GOLGA4: variants seen among roughly 807,000 people sequenced by gnomAD.
GOLGA4 encodes golgin A4, also known as golgin subfamily A member 4.
GOLGA4 carries 169 observed loss-of-function variants against 265.9 expected under a neutral mutation model. The ratio of observed to expected loss-of-function variants is 0.64; its 90% CI spans 0.56 to 0.72. The LOEUF (loss-of-function observed/expected upper bound fraction) is 0.72. GOLGA4 is among the 30% of genes least tolerant of loss of function. The pLI is 0.00. For missense variants in GOLGA4, 2,482 were observed against 2,483.4 expected, an observed-to-expected ratio of 1.00 and a Z score of 0.01; for synonymous variants, 923 against 855.8, an observed-to-expected ratio of 1.08 and a Z score of -1.37.
At chr3:37,351,455 T>A (rs1221364539) in intron 21 of GOLGA4, among the ~76,000 whole-genome samples, 1 of 152,164 alleles carries the variant, frequency 6.6e-6, no homozygotes, top group East Asian at 1.9e-4. Flanking sequence ...TTCCCATGAA[T>A]TACCAATGTT....
In GOLGA4 at chr3:37,282,164, G is replaced by A; in HGVS notation, c.369G>A (p.Glu123=). 1 of 1,614,162 alleles carries A rather than the reference G, an allele frequency of 6.2e-7. No individual in the cohort carries two copies. Among genetic ancestry groups the A allele is most frequent in the East Asian group, 2.2e-5 (1 of 44,892 alleles). ...ATCCACCCTCTGATATGGATAGCGA[G>A]GCTGAAGACTTGGTAGGGAATTCAG... ...SFDPPSDMDS[E]AEDLVGNSDS... Residue 123 remains glutamate (E), a synonymous_variant, in exon 3 of 24, where the codon GAG becomes GAA. Transcript: ENST00000361924.
intron 11 of GOLGA4, among the ~76,000 whole-genome samples, chr3:37,318,607 T>G (rs897641493): frequency 2.6e-5 from 4 of 152,268 alleles, no homozygotes; most frequent in African/African-American, 9.6e-5. Flanking sequence ...TAATGAGATT[T>G]GACATTTTTA....
chr3:37,271,961 G>A (rs1348066542), intron 2 of GOLGA4, among the ~76,000 whole-genome samples: 2 of 152,168 alleles, frequency 1.3e-5, no homozygotes, highest in Non-Finnish European at 2.9e-5. Context: ...GGGGGATCTA[G>A]GTTGCATGCT....
At chr3:37,320,364 A>G (rs951682519) in intron 12 of GOLGA4, 6 of 152,156 alleles carry the variant, frequency 3.9e-5, no homozygotes, top group Non-Finnish European at 5.9e-5. Context: ...AGGATAATAA[A>G]TAGTATTTTA....
chr3:37,344,696 ACTTTTT>A (rs1169305641), intron 20 of GOLGA4, among the ~76,000 whole-genome samples: 1 of 151,902 alleles, frequency 6.6e-6, no homozygotes, highest in Non-Finnish European at 1.5e-5. Context: ...AAGCTGTCCC[ACTTTTT>A]CTTTAAGAAT....
intron 10 of GOLGA4, among the ~76,000 whole-genome samples, chr3:37,313,981 T>TG (rs11441522): frequency 7.9e-5 from 12 of 151,696 alleles, no homozygotes; most frequent in Non-Finnish European, 1.5e-4. Flanking sequence ...TTTTTTTTTT[T>TG]GAGACAAAAG....
At chr3:37,258,215 A>G (rs1376927661) in intron 2 of GOLGA4, among the ~76,000 whole-genome samples, 2 of 147,038 alleles carry the variant, frequency 1.4e-5, no homozygotes, top group African/African-American at 5.0e-5. Flanking sequence ...TATAGCATAT[A>G]TATATGCTCT....
intron 16 of GOLGA4, among the ~76,000 whole-genome samples, chr3:37,334,476 C>G (rs1015013289): frequency 6.6e-6 from 1 of 151,862 alleles, no homozygotes; most frequent in Non-Finnish European, 1.5e-5. Flanking sequence ...GGACAAAGGA[C>G]CATCTGTTGA....
chr3:37,265,707 C>T (rs1416490070), intron 2 of GOLGA4, among the ~76,000 whole-genome samples: 2 of 152,150 alleles, frequency 1.3e-5, no homozygotes, highest in African/African-American at 4.8e-5. Flanking sequence ...CCCACTGTTA[C>T]TATTTGTGGT....
intron 3 of GOLGA4, among the ~76,000 whole-genome samples, chr3:37,284,823 A>G (rs546527394): frequency 2.0e-5 from 3 of 151,746 alleles, no homozygotes; most frequent in South Asian, 4.2e-4. Context: ...ACACCACCAC[A>G]CCTGGCTAAT....
chr3:37,264,630 T>C (rs1207333058), intron 2 of GOLGA4, among the ~76,000 whole-genome samples: 1 of 151,688 alleles, frequency 6.6e-6, no homozygotes, highest in Non-Finnish European at 1.5e-5. Flanking sequence ...TTTTGCAGAC[T>C]TTTTTTTTCA....
chr3:37,271,622 C>A (rs2096798915), intron 2 of GOLGA4, among the ~76,000 whole-genome samples: 1 of 152,126 alleles, frequency 6.6e-6, no homozygotes, highest in African/African-American at 2.4e-5. Context: ...GTACCACTAC[C>A]ATTTTGCCTA....
chr3:37,324,251 T>G lies in GOLGA4; in HGVS notation c.2365T>G (p.Ser789Ala), dbSNP rs1363656632. 3 of 1,614,014 alleles carry G rather than the reference T, an allele frequency of 1.9e-6. No homozygotes were observed. The highest frequency in any genetic ancestry group is 1.1e-5 in the South Asian group (1 of 91,090). Residue 789 changes from serine (S) to alanine (A), a missense_variant, in exon 14 of 24, where the codon TCT (serine) becomes GCT (alanine). Physicochemically the swap from Ser to Ala is moderately conservative, Grantham distance 99. Around this residue, in one of 3 missense-constraint regions of GOLGA4, gnomAD observed 1,536 missense variants for 1,483.7 expected, o/e 1.04. Transcript: ENST00000361924. ...VENLEADIKR[S>A]EGELQQASAK... ...AAATTTAGAGGCAGATATTAAAAGG[T>G]CTGAAGGGGAACTCCAGCAGGCATC...
In GOLGA4 at chr3:37,296,238, A is replaced by G. The variant is rs774648126; in HGVS notation, c.814+19A>G. The G allele has an allele frequency of 4.3e-6, 7 of 1,613,174 alleles. No individual in the cohort carries two copies. The highest frequency in any genetic ancestry group is 1.1e-5 in the South Asian group (1 of 91,056). ...CCAGTAGGTAAGCTTCATTTTGTCA[A>G]AAGGTTAATTTAAAAACTAGAGGAG... On this transcript the variant is annotated intron_variant, in intron 7 of 23. Transcript: ENST00000361924.
At position 37,350,154 on chromosome 3, in the gene GOLGA4, T is replaced by A. The variant is rs571851192; in HGVS notation, c.6576+2858T>A. Among the ~76,000 whole-genome samples the A allele has an allele frequency of 4.6e-5, 7 of 152,312 alleles. No individual in the cohort carries two copies. The South Asian group carries it at 1.5e-3, about 32-fold the overall frequency. The stretch of plus-strand genomic sequence containing the variant: ...GTGGCTCATTTGAACTTTTCCTTAC[T>A]TCCCAGGGCCTGAGGATATTGTATG... On this transcript the variant is annotated intron_variant, in intron 21 of 23. Coordinates refer to ENST00000361924, the MANE Select transcript of GOLGA4 (RefSeq NM_002078.5).
intron 5 of GOLGA4, among the ~76,000 whole-genome samples, chr3:37,294,480 G>C (rs1047165422): frequency 6.6e-6 from 1 of 151,274 alleles, no homozygotes; most frequent in East Asian, 1.9e-4. Context: ...TTCCTCCCGG[G>C]TTCAAGTGAT....
intron 2 of GOLGA4, among the ~76,000 whole-genome samples, chr3:37,263,876 G>A (rs1158470053): frequency 6.6e-6 from 1 of 152,206 alleles, no homozygotes. Context: ...CAGAATTGCA[G>A]CAGAATTGGT....
intron 2 of GOLGA4, among the ~76,000 whole-genome samples, chr3:37,275,324 A>G (rs189844482): frequency 1.3e-4 from 19 of 151,448 alleles, no homozygotes; most frequent in Non-Finnish European, 2.5e-4. Context: ...TTAGATCCTC[A>G]TAACTGTCAG....
intron 20 of GOLGA4, among the ~76,000 whole-genome samples, chr3:37,340,921 A>G (rs969538287): frequency 6.6e-6 from 1 of 152,258 alleles, no homozygotes; most frequent in Middle Eastern, 3.4e-3. Context: ...TAATCCCAGC[A>G]CTTTGGGGGG....
Sources: allele counts gnomAD v4.1 joint callset (sites outside exome capture counted in the v4.1 genomes callset), GRCh38; gene constraint gnomAD v4.1.1; regional missense constraint gnomAD v4.1.1; transcripts MANE v1.5; gene names NCBI Gene and HGNC (gene_info 2026-07-23, HGNC 2026-07-21).